NF1: variants seen among roughly 807,000 people sequenced by gnomAD.
NF1 encodes the protein neurofibromin 1.
Under a neutral mutation model 325.7 loss-of-function variants are expected in NF1, and 122 were observed. The ratio of observed to expected loss-of-function variants is 0.37; its 90% confidence interval spans 0.32 to 0.44. NF1 has a LOEUF of 0.44. NF1 is among the 20% of genes least tolerant of loss of function. NF1 has a pLI of 1.00. For synonymous variants in NF1, 1,091 were observed against 1,186.0 expected (o/e 0.92, Z 1.65); for missense variants, 2,140 against 3,415.4 (o/e 0.63, Z 9.31).
chr17:31,200,993 C>T, intron 9 of NF1, 44 bp from the exon 10 acceptor site: 2 of 1,609,752 alleles, frequency 1.2e-6, no homozygotes, highest in African/African-American at 1.3e-5. Context: ...AGAAATACTG[C>T]ATGGGTATTT....
At chr17:31,103,535 G>A (rs568162108) in intron 1 of NF1, among the ~76,000 whole-genome samples, 9 of 152,058 alleles carry the variant, frequency 5.9e-5, no homozygotes, top group African/African-American at 2.2e-4. Flanking sequence ...TTGAACCACC[G>A]TGCCTGGCCC....
In NF1 at chr17:31,182,555, A is replaced by G. The variant is rs1466892954; in HGVS notation, c.778A>G (p.Thr260Ala). ...FDLVDGFAESTKRKAAVWPLQ... is the reference protein window; with the variant it reads ...FDLVDGFAESAKRKAAVWPLQ... ...CTTGGTGGATGGTTTTGCTGAAAGCACCAAACGTAAAGCAGCAGTTTGGCC... is the reference window on the plus strand; with the variant it reads ...CTTGGTGGATGGTTTTGCTGAAAGCGCCAAACGTAAAGCAGCAGTTTGGCC... Residue 260 changes from threonine to alanine, a missense_variant, in exon 8 of 58, where the codon ACC (threonine) becomes GCC (alanine). Transcript: ENST00000358273. The G allele has an allele frequency of 6.2e-7, 1 of 1,614,116 alleles. No homozygotes were observed. The highest frequency in any genetic ancestry group is 8.5e-7 in the Non-Finnish European group (1 of 1,179,960).
intron 4 of NF1, among the ~76,000 whole-genome samples, chr17:31,164,597 T>C (rs2143681360): frequency 6.6e-6 from 1 of 152,352 alleles, no homozygotes; most frequent in Admixed American, 6.5e-5. Flanking sequence ...CAGTGGACTT[T>C]GATTATTCAG....
At chr17:31,124,592 A>ATTTTTTTTTTTTTTTTTTT (rs35335433) in intron 1 of NF1, among the ~76,000 whole-genome samples, 1 of 62,944 alleles carries the variant, frequency 1.6e-5, no homozygotes, top group Non-Finnish European at 2.9e-5. Context: ...GTATTCTTGA[A>ATTTTTTTTTTTTTTTTTTT]TTTTTTTTTT....
intron 56 of NF1, 89 bp downstream of exon 56, chr17:31,359,104 GA>G (rs2070343786): frequency 2.9e-6 from 3 of 1,028,436 alleles, no homozygotes. Context: ...ACAATGTGCT[GA>G]AAACCAGAAA....
intron 1 of NF1, among the ~76,000 whole-genome samples, chr17:31,127,715 A>C (rs1915003496): frequency 6.6e-6 from 1 of 151,642 alleles, no homozygotes; most frequent in African/African-American, 2.4e-5. Flanking sequence ...TACAGGTGTG[A>C]GCCACCACAT....
intron 36 of NF1, among the ~76,000 whole-genome samples, chr17:31,280,249 C>T (rs1216167971): frequency 6.7e-6 from 1 of 150,344 alleles, no homozygotes; most frequent in Non-Finnish European, 1.5e-5. Flanking sequence ...TGTAAGAACC[C>T]ACACCTGTAA....
intron 57 of NF1, among the ~76,000 whole-genome samples, chr17:31,364,536 G>A (rs2070472517): frequency 6.6e-6 from 1 of 152,150 alleles, no homozygotes; most frequent in Admixed American, 6.5e-5. Flanking sequence ...CCCAGCATTA[G>A]GTCTTACTTA....
rs1420636661 is a variant in NF1 at position 31,364,809 on chromosome 17, A to G, written c.8377+4106A>G. Among the ~76,000 whole-genome samples, 2 of 152,216 alleles carry G rather than the reference A, an allele frequency of 1.3e-5. 1 individual carries two copies. Among genetic ancestry groups the G allele is most frequent in the Non-Finnish European group, 2.9e-5 (2 of 68,032 alleles). ...TGGGATTCAGTGCATATAGAATTGCATTGACTGTGACCCTTTAGGCAAATG... is the reference window on the plus strand; with the variant it reads ...TGGGATTCAGTGCATATAGAATTGCGTTGACTGTGACCCTTTAGGCAAATG... On this transcript the variant is annotated intron_variant, in intron 57 of 57. Transcript: ENST00000358273.
chr17:31,352,330 G>C lies in NF1; in HGVS notation c.7531G>C (p.Val2511Leu), dbSNP rs2230850. The C allele has an allele frequency of 3.2e-4, 511 of 1,614,062 alleles. 3 individuals are homozygous for C. In the African/African-American group the frequency reaches 6.0e-3, roughly 19 times the overall value. ...EGYLAATYPT[V>L]GQTSPRARKS... The stretch of plus-strand genomic sequence containing the variant: ...ATACCTTGCAGCCACCTATCCAACT[G>C]TCGGCCAGACCAGTCCCCGAGCCAG... Residue 2511 changes from valine (V) to leucine (L), a missense_variant, in exon 51 of 58, where the codon GTC becomes CTC. By Grantham distance (32) the Val-to-Leu change is conservative. Transcript: ENST00000358273.
chr17:31,225,226 G>A lies in NF1; in HGVS notation c.1977G>A (p.Arg659=), dbSNP rs1597710788. 6.2e-7 allele frequency: 1 copy of A among 1,613,762 alleles called. No individual in the cohort carries two copies. Among genetic ancestry groups the A allele is most frequent in the Non-Finnish European group, 8.5e-7 (1 of 1,179,750 alleles). Residue 659 remains arginine, a synonymous_variant, in exon 17 of 58, where the codon CGG becomes CGA. Coordinates refer to ENST00000358273, the MANE Select transcript of NF1 (RefSeq NM_001042492.3). ...ELLRTPGASL[R]KGKGNSSMDS... ...TACGTACTCCTGGAGCCTCTCTCCG[G>A]AAGGGAAAAGGGAACTCCTCTATGG...
At chr17:31,334,087 C>A (rs2069575721) in intron 39 of NF1, among the ~76,000 whole-genome samples, 2 of 152,020 alleles carry the variant, frequency 1.3e-5, no homozygotes, top group South Asian at 4.1e-4. Flanking sequence ...GAGATTGAGA[C>A]CATCCTGGCT....
intron 1 of NF1, among the ~76,000 whole-genome samples, chr17:31,116,275 G>A (rs914765001): frequency 7.2e-5 from 11 of 152,024 alleles, no homozygotes; most frequent in African/African-American, 2.7e-4. Context: ...TTCATTGAAC[G>A]TTTTAGGGAA....
rs1555533605 is a variant in NF1, at chr17:31,327,710, T to C, written c.5480T>C (p.Ile1827Thr). ...CEAIVQSIIH[I>T]RTRWELSQPD... ...GCCATTGTCCAGTCTATCATTCATATCCGGACCCGCTGGGAACTGTCACAG... is the reference window on the plus strand; with the variant it reads ...GCCATTGTCCAGTCTATCATTCATACCCGGACCCGCTGGGAACTGTCACAG... The change falls in exon 38 of 58, where the codon ATC becomes ACC. Residue 1827 changes from isoleucine (I) to threonine (T), a missense_variant. Physicochemically the swap from Ile to Thr is moderately conservative, Grantham distance 89. Transcript: ENST00000358273. The C allele has an allele frequency of 6.2e-7, 1 of 1,614,164 alleles. No homozygotes were observed. The highest frequency in any genetic ancestry group is 8.5e-7 in the Non-Finnish European group (1 of 1,180,028).
At chr17:31,286,342 G>C (rs983381469) in intron 36 of NF1, among the ~76,000 whole-genome samples, 1 of 152,156 alleles carries the variant, frequency 6.6e-6, no homozygotes, top group Non-Finnish European at 1.5e-5. Flanking sequence ...TAATCTGCCT[G>C]TCTTGGCTCC....
chr17:31,145,790 A>T (rs986389163), intron 1 of NF1, among the ~76,000 whole-genome samples: 15 of 152,188 alleles, frequency 9.9e-5, no homozygotes, highest in African/African-American at 3.6e-4. Flanking sequence ...GGAACAAAAG[A>T]AGTATCATGA....
chr17:31,180,769 T>G (rs761167890), intron 5 of NF1, among the ~76,000 whole-genome samples: 25 of 152,220 alleles, frequency 1.6e-4, no homozygotes, highest in South Asian at 1.5e-3. Context: ...GAGAAAGAAA[T>G]AAAGGGTATT....
chr17:31,149,916 G>A (rs1030392033), intron 1 of NF1, among the ~76,000 whole-genome samples: 4 of 152,156 alleles, frequency 2.6e-5, no homozygotes, highest in African/African-American at 9.7e-5. Context: ...GGTCAGCAAA[G>A]TGACCACTGG....
chr17:31,363,423 T>A lies in NF1; in HGVS notation c.8377+2720T>A, dbSNP rs559011407. On this transcript the variant is annotated intron_variant, in intron 57 of 57. Coordinates refer to ENST00000358273, the MANE Select transcript of NF1 (RefSeq NM_001042492.3). The stretch of plus-strand genomic sequence containing the variant: ...ATCTTTAGCTCCATGTAATCTTATA[T>A]CCTTATCTCTCTCTTTTTTTTTTTT... Among the ~76,000 whole-genome samples, 22 of 149,666 alleles carry A rather than the reference T, an allele frequency of 1.5e-4. No individual in the cohort carries two copies. In the South Asian group the frequency reaches 4.4e-3, roughly 30 times the overall value.
Sources: allele counts gnomAD v4.1 joint callset (sites outside exome capture counted in the v4.1 genomes callset), GRCh38; gene constraint gnomAD v4.1.1; transcripts MANE v1.5; gene names NCBI Gene and HGNC (gene_info 2026-07-23, HGNC 2026-07-21).